The following ARHGAP1 variants were observed in gnomAD, a reference collection of about 807,000 sequenced individuals.
The protein encoded by ARHGAP1 is rho GTPase-activating protein 1.
A neutral mutation model predicts 52.2 loss-of-function variants in ARHGAP1; 23 were observed. The observed-to-expected ratio is 0.44, with a 90% confidence interval of 0.32 to 0.62. The LOEUF is 0.62. ARHGAP1 is among the 20% of genes least tolerant of loss of function. ARHGAP1 has a pLI of 0.05. For synonymous variants in ARHGAP1, 210 were observed against 228.4 expected, an observed-to-expected ratio of 0.92 and a Z score of 0.73; for missense variants, 480 against 560.9, an observed-to-expected ratio of 0.86 and a Z score of 1.46.
chr11:46,688,456 C>T (rs1487604259), intron 3 of ARHGAP1, among the ~76,000 whole-genome samples, 196 bp from the exon 4 acceptor site: 1 of 151,914 alleles, frequency 6.6e-6, no homozygotes, highest in African/African-American at 2.4e-5. Flanking sequence ...GCTTTCAGGG[C>T]TACTGAGCTG....
rs541895604 is a variant in ARHGAP1 at position 46,681,932 on chromosome 11, C to T, written c.449+119G>A. ...TGCAGATTCTTTACATTGACGTAGA[C>T]GGCAGCCCCCGCCACCCCCTGCCTT... On this transcript the variant is annotated intron_variant, in intron 5 of 12. Coordinates refer to ENST00000311956, the MANE Select transcript of ARHGAP1 (RefSeq NM_004308.5). The surrounding 1 kb of genome is among the most constrained non-coding windows in gnomAD (Gnocchi z 5.7). The T allele has an allele frequency of 1.6e-5, 22 of 1,408,800 alleles. No homozygotes were observed. The highest frequency in any genetic ancestry group is 1.3e-4 in the South Asian group (10 of 76,988). 87.3% of individuals were successfully genotyped at this position (1,408,800 alleles called of 1,614,324 possible). A position where few individuals can be genotyped will look rare whatever the true frequency, so the allele number is the denominator to read the frequency against.
At position 46,681,213 on chromosome 11, in the gene ARHGAP1, G is replaced by T; in HGVS notation, c.536+80C>A. On this transcript the variant is annotated intron_variant, in intron 6 of 12. Coordinates refer to ENST00000311956, the MANE Select transcript of ARHGAP1 (RefSeq NM_004308.5). The surrounding 1 kb of genome is among the most constrained non-coding windows in gnomAD (Gnocchi z 5.7). Reference sequence around the variant, plus strand: ...TCAGACGGAAGCCCAGCCGCACCTGGTGGTCCCCAGGCTGCCCAGCCTCCC... The same window carrying T: ...TCAGACGGAAGCCCAGCCGCACCTGTTGGTCCCCAGGCTGCCCAGCCTCCC... 1 of 1,545,284 alleles carries T rather than the reference G, an allele frequency of 6.5e-7. No individual in the cohort carries two copies. Among genetic ancestry groups the T allele is most frequent in the Non-Finnish European group, 8.9e-7 (1 of 1,117,808 alleles).
chr11:46,687,914 A>T, intron 4 of ARHGAP1: 1 of 473,804 alleles, frequency 2.1e-6, no homozygotes, highest in East Asian at 3.5e-5. Flanking sequence ...GGCCTATATT[A>T]TTATCCCTTT....
intron 4 of ARHGAP1, among the ~76,000 whole-genome samples, chr11:46,682,817 T>C (rs903635382): frequency 6.6e-6 from 1 of 152,230 alleles, no homozygotes; most frequent in Non-Finnish European, 1.5e-5. Flanking sequence ...CAGGGATTTC[T>C]CTGAATCAAT....
chr11:46,680,384 G>A lies in ARHGAP1; in HGVS notation c.821-102C>T, dbSNP rs2064515248. 6 of 1,575,864 alleles carry A rather than the reference G, an allele frequency of 3.8e-6. No individual in the cohort carries two copies. The highest frequency in any genetic ancestry group is 1.7e-5 in the Admixed American group (1 of 59,640). The stretch of plus-strand genomic sequence containing the variant: ...GTTCTAGGCAGGGCTGGGTGGGGAC[G>A]TTGAGGCTTGCAGGACCTCCCTCTG... On this transcript the variant is annotated intron_variant, in intron 9 of 12. Transcript: ENST00000311956. The surrounding 1 kb of genome is among the most constrained non-coding windows in gnomAD (Gnocchi z 5.9).
Position 46,678,885 on chromosome 11 carries a change from G to T in ARHGAP1, c.*152C>A. 1.2e-6 allele frequency: 1 copy of T among 864,182 alleles called. No individual in the cohort carries two copies. Among genetic ancestry groups the T allele is most frequent in the Non-Finnish European group, 1.7e-6 (1 of 571,568 alleles). The allele number at this position is 864,182 out of a possible 1,614,324, so 53.5% of individuals were successfully genotyped here. On this transcript the variant is annotated 3_prime_UTR_variant, in exon 13 of 13. Coordinates refer to ENST00000311956, the MANE Select transcript of ARHGAP1 (RefSeq NM_004308.5). ...CTTCTGGTAACAGCGAGGCCGCCAG[G>T]GCCGTGAGGCGGGCTGGACAGAGGT...
At chr11:46,688,697 G>T (rs2064590108) in intron 3 of ARHGAP1, among the ~76,000 whole-genome samples, 1 of 151,730 alleles carries the variant, frequency 6.6e-6, no homozygotes, top group South Asian at 2.1e-4. Context: ...GCCATGGCTG[G>T]GTCTTGAGCT....
chr11:46,679,754 C>G lies in ARHGAP1; in HGVS notation c.921G>C (p.Gln307His), dbSNP rs750391894. 1.2e-6 allele frequency: 2 copies of G among 1,613,818 alleles called. No homozygotes were observed. The highest frequency in any genetic ancestry group is 1.7e-6 in the Non-Finnish European group (2 of 1,179,946). ...CTGCTGGCAGGTGCAGCTCATTGTA[C>G]TGGTCGAAATCCACAGGCAGCCCTG... ...YNMGLPVDFDQYNELHLPAVI... is the reference protein window; with the variant it reads ...YNMGLPVDFDHYNELHLPAVI... The change falls in exon 11 of 13, where the codon CAG (glutamine) becomes CAC (histidine). Residue 307 changes from glutamine to histidine, a missense_variant. Gln to His is a conservative substitution (Grantham distance 24). Transcript: ENST00000311956. This position sits in a 1 kb window ranked among gnomAD's most constrained non-coding sequence, Gnocchi z 4.4.
rs889061006 is a variant in ARHGAP1, at chr11:46,700,570, C to T, written c.-69G>A. 5.2e-6 allele frequency: 1 copy of T among 192,338 alleles called. No homozygotes were observed. The highest frequency in any genetic ancestry group is 1.1e-5 in the Non-Finnish European group (1 of 91,506). The allele number at this position is 192,338 out of a possible 1,614,324, so 11.9% of individuals were successfully genotyped here. A position where few individuals can be genotyped will look rare whatever the true frequency, so the allele number is the denominator to read the frequency against. ...GCTCACCGCGCTCGGGCACTGCTCC[C>T]TCTGCCACGCCTGTCAAGGCTCGGC... On this transcript the variant is annotated 5_prime_UTR_variant, in exon 1 of 13. Transcript: ENST00000311956.
rs774331078 is a variant in ARHGAP1 at position 46,680,312 on chromosome 11, C to T, written c.821-30G>A. 8.1e-6 allele frequency: 13 copies of T among 1,611,714 alleles called. No homozygotes were observed. The highest frequency in any genetic ancestry group is 6.7e-5 in the East Asian group (3 of 44,846). ...GAAACAGTAGGGCCTGGTGAGCCTC[C>T]GAGCGCTGGGCACCGGCTGGATTCC... On this transcript the variant is annotated intron_variant, in intron 9 of 12. Coordinates refer to ENST00000311956, the MANE Select transcript of ARHGAP1 (RefSeq NM_004308.5). This position sits in a 1 kb window ranked among gnomAD's most constrained non-coding sequence, Gnocchi z 5.9.
At chr11:46,692,786 C>T (rs2064623525) in intron 3 of ARHGAP1, among the ~76,000 whole-genome samples, 1 of 152,122 alleles carries the variant, frequency 6.6e-6, no homozygotes, top group African/African-American at 2.4e-5. Context: ...CTCCTGGGTT[C>T]AAACGATTCT....
chr11:46,690,226 CAA>C (rs973115024), intron 3 of ARHGAP1, among the ~76,000 whole-genome samples: 1 of 150,410 alleles, frequency 6.6e-6, no homozygotes, highest in Non-Finnish European at 1.5e-5. Context: ...AACACACACA[CAA>C]AAAAAAAAAT....
At chr11:46,699,689 T>G (rs1413981181) in intron 1 of ARHGAP1, among the ~76,000 whole-genome samples, 2 of 128,084 alleles carry the variant, frequency 1.6e-5, no homozygotes, top group African/African-American at 6.1e-5. Context: ...GGCGACAGAG[T>G]GAGACTCCGT....
At chr11:46,698,230 G>T (rs2064671986) in intron 1 of ARHGAP1, among the ~76,000 whole-genome samples, 1 of 152,202 alleles carries the variant, frequency 6.6e-6, no homozygotes, top group African/African-American at 2.4e-5. Context: ...CTCCTCTGTA[G>T]AGGCAATGGC....
At position 46,680,911 on chromosome 11, in the gene ARHGAP1, C is replaced by T. The variant is rs1773327271; in HGVS notation, c.635+100G>A. 4.2e-6 allele frequency: 5 copies of T among 1,200,692 alleles called. No individual in the cohort carries two copies. The highest frequency in any genetic ancestry group is 6.0e-6 in the Non-Finnish European group (5 of 831,196). The allele number at this position is 1,200,692 out of a possible 1,614,324, so 74.4% of individuals were successfully genotyped here. On this transcript the variant is annotated intron_variant, in intron 7 of 12. Coordinates refer to ENST00000311956, the MANE Select transcript of ARHGAP1 (RefSeq NM_004308.5). The surrounding 1 kb of genome is among the most constrained non-coding windows in gnomAD (Gnocchi z 5.9). The stretch of plus-strand genomic sequence containing the variant: ...AGCAAAGACCTGGGAGAGGTCGGGA[C>T]ACGGGCTTGCTCTGCCTAAGCCCCA...
intron 3 of ARHGAP1, among the ~76,000 whole-genome samples, chr11:46,690,199 A>AC (rs1408540140): frequency 2.6e-5 from 4 of 151,570 alleles, no homozygotes; most frequent in Admixed American, 2.6e-4. Flanking sequence ...ACATGGTGAA[A>AC]CCCCGTCTTT....
At chr11:46,686,986 G>T (rs1407757740) in intron 4 of ARHGAP1, 2 of 152,350 alleles carry the variant, frequency 1.3e-5, no homozygotes, top group Non-Finnish European at 2.9e-5. Flanking sequence ...TGAAGCCAAG[G>T]ACGCCCTGGG....
intron 3 of ARHGAP1, among the ~76,000 whole-genome samples, chr11:46,689,675 G>A (rs2064596712): frequency 6.6e-6 from 1 of 152,024 alleles, no homozygotes; most frequent in Admixed American, 6.6e-5. Flanking sequence ...CGAGTAGCTG[G>A]GATTACAGGC....
intron 3 of ARHGAP1, among the ~76,000 whole-genome samples, chr11:46,691,907 A>G (rs2134491801): frequency 6.6e-6 from 1 of 152,306 alleles, no homozygotes; most frequent in Admixed American, 6.5e-5. Flanking sequence ...GTTCTTGATT[A>G]TGCTTTGGTT....
Sources: gnomAD v4.1 joint callset for allele counts (sites outside exome capture counted in the v4.1 genomes callset) on GRCh38, gnomAD v4.1.1 for gene constraint, Gnocchi (gnomAD v3.1) non-coding constraint, MANE v1.5 for transcripts, NCBI Gene and HGNC (gene_info 2026-07-23, HGNC 2026-07-21) for gene names.